PRPF39: variants seen among roughly 807,000 people sequenced by gnomAD.
PRPF39 encodes the protein pre-mRNA-processing factor 39.
Under a neutral mutation model 82.1 loss-of-function variants are expected in PRPF39, and 27 were observed. The ratio of observed to expected loss-of-function variants is 0.33; its 90% CI spans 0.24 to 0.45. The LOEUF (loss-of-function observed/expected upper bound fraction) is 0.45, where lower values mean the gene tolerates loss of function less well. Among genes scored for constraint, PRPF39 ranks in the 20% least tolerant of loss-of-function variants. The probability of loss-of-function intolerance (pLI) is 1.00; values close to 1 mark genes in which losing one functional copy is unlikely to be tolerated. For synonymous variants in PRPF39, 261 were observed against 256.4 expected (o/e 1.02, Z -0.17); for missense variants, 581 against 796.9 (o/e 0.73, Z 3.26).
intron 1 of PRPF39, chr14:45,088,275 G>A: frequency 6.0e-6 from 1 of 167,734 alleles, no homozygotes; most frequent in South Asian, 1.4e-4. Context: ...GACAATTTTG[G>A]ATTAATTATG....
intron 1 of PRPF39, among the ~76,000 whole-genome samples, chr14:45,086,752 T>A (rs1452421585): frequency 6.6e-6 from 1 of 152,184 alleles, no homozygotes; most frequent in Non-Finnish European, 1.5e-5. Context: ...CTCACCCAAT[T>A]TAATTTTTTT....
At chr14:45,086,630 G>T (rs1052092807) in intron 1 of PRPF39, among the ~76,000 whole-genome samples, 1 of 152,118 alleles carries the variant, frequency 6.6e-6, no homozygotes, top group Non-Finnish European at 1.5e-5. Flanking sequence ...CTTTTGGAAA[G>T]TTAAGTTGAG....
chr14:45,101,833 G>A (rs2099551612), intron 4 of PRPF39, among the ~76,000 whole-genome samples: 1 of 150,486 alleles, frequency 6.6e-6, no homozygotes, highest in African/African-American at 2.4e-5. Flanking sequence ...TTGAGACAGA[G>A]TCGCGCTCTG....
intron 4 of PRPF39, among the ~76,000 whole-genome samples, chr14:45,098,648 T>C (rs1476925412): frequency 6.6e-6 from 1 of 152,210 alleles, no homozygotes; most frequent in African/African-American, 2.4e-5. Context: ...TAGCTTTCTA[T>C]ACAATCAGAT....
Position 45,110,913 on chromosome 14 carries a change from T to G in PRPF39, c.1572+96T>G. On this transcript the variant is annotated intron_variant, in intron 10 of 13. Coordinates refer to ENST00000355765, the MANE Select transcript of PRPF39 (RefSeq NM_017922.4). The surrounding 1 kb of genome is among the most constrained non-coding windows in gnomAD (Gnocchi z 4.0). ...ACTGTGATGAAAGATTTGGTCTGTA[T>G]GTAATAGATTTTATTACTAAATGAG... The G allele has an allele frequency of 2.5e-6, 3 of 1,194,458 alleles. No individual in the cohort carries two copies. The highest frequency in any genetic ancestry group is 3.4e-6 in the Non-Finnish European group (3 of 870,524). 74.0% of individuals were successfully genotyped at this position (1,194,458 alleles called of 1,614,324 possible). A position where few individuals can be genotyped will look rare whatever the true frequency, so the allele number is the denominator to read the frequency against.
chr14:45,107,497 G>A lies in PRPF39; in HGVS notation c.784G>A (p.Gly262Ser). 6.4e-7 allele frequency: 1 copy of A among 1,565,822 alleles called. No individual in the cohort carries two copies. Among genetic ancestry groups the A allele is most frequent in the Non-Finnish European group, 8.7e-7 (1 of 1,151,682 alleles). ...QNNLPRDLLT[G>S]EQFIQLRREL... ...TAATTTGCCTAGAGATCTTTTAACT[G>A]GTGAACAGTTTATTCAGTTGCGAAG... Residue 262 changes from glycine to serine, a missense_variant, in exon 6 of 14, where the codon GGT (glycine) becomes AGT (serine). Gly to Ser is a moderately conservative substitution (Grantham distance 56, BLOSUM62 0). Transcript: ENST00000355765.
At chr14:45,113,277 G>A (rs914046076) in intron 11 of PRPF39, among the ~76,000 whole-genome samples, 1 of 152,204 alleles carries the variant, frequency 6.6e-6, no homozygotes, top group Non-Finnish European at 1.5e-5. Flanking sequence ...GTTTATATTA[G>A]TGTATTTTAA....
chr14:45,105,769 G>A (rs547792241), intron 5 of PRPF39, among the ~76,000 whole-genome samples: 7 of 151,822 alleles, frequency 4.6e-5, no homozygotes, highest in Admixed American at 2.0e-4. Context: ...CAGGTGATCC[G>A]CCCACCTCAG....
rs1180131196 is a variant in PRPF39, at chr14:45,107,435, T to A, written c.738-16T>A. On this transcript the variant is annotated splice_polypyrimidine_tract_variant and intron_variant, in intron 5 of 13. Transcript: ENST00000355765. ...ATTATGATTCAAATACATATATTTT[T>A]ATTGTCTTCCTTTAGATTTAAAGAA... The A allele has an allele frequency of 6.8e-7, 1 of 1,474,532 alleles. No homozygotes were observed. The highest frequency in any genetic ancestry group is 1.4e-5 in the African/African-American group (1 of 70,942). The allele number at this position is 1,474,532 out of a possible 1,614,324, so 91.3% of individuals were successfully genotyped here.
chr14:45,094,057 T>C (rs1377158903), intron 1 of PRPF39, among the ~76,000 whole-genome samples: 1 of 152,196 alleles, frequency 6.6e-6, no homozygotes, highest in Non-Finnish European at 1.5e-5. Flanking sequence ...GTCATTTGCA[T>C]TTCTTCCTTT....
intron 4 of PRPF39, among the ~76,000 whole-genome samples, chr14:45,098,659 C>T (rs1884277908): frequency 6.6e-6 from 1 of 152,126 alleles, no homozygotes; most frequent in South Asian, 2.1e-4. Flanking sequence ...ACAATCAGAT[C>T]TGTTAAAAAA....
At chr14:45,108,377 G>A in intron 6 of PRPF39, 38 bp from the exon 7 acceptor site, 1 of 1,547,018 alleles carries the variant, frequency 6.5e-7, no homozygotes, top group Non-Finnish European at 8.7e-7. Context: ...TCAGTATACA[G>A]TTTGTGAGAT....
chr14:45,090,294 T>G (rs138210862), intron 1 of PRPF39, among the ~76,000 whole-genome samples: 2 of 152,364 alleles, frequency 1.3e-5, no homozygotes, highest in African/African-American at 4.8e-5. Context: ...ATGACATTAA[T>G]CATACATTGA....
At chr14:45,104,609 T>C (rs1457643296) in intron 5 of PRPF39, among the ~76,000 whole-genome samples, 4 of 152,216 alleles carry the variant, frequency 2.6e-5, no homozygotes, top group East Asian at 1.9e-4. Context: ...AAAAAAGATA[T>C]TCTAAGTGGT....
chr14:45,084,846 A>T (rs770289518), intron 1 of PRPF39, among the ~76,000 whole-genome samples: 2 of 152,216 alleles, frequency 1.3e-5, no homozygotes, highest in Non-Finnish European at 2.9e-5. Context: ...ATCAGAGACC[A>T]CCACTGGTGT....
At chr14:45,095,888 G>T (rs909653099) in intron 2 of PRPF39, among the ~76,000 whole-genome samples, 5 of 130,358 alleles carry the variant, frequency 3.8e-5, no homozygotes, top group Admixed American at 2.9e-4. Flanking sequence ...TGCCTGTGTA[G>T]GTTTTTTTTT....
chr14:45,109,518 CA>C (rs1362895871), intron 7 of PRPF39, 97 bp from the exon 8 acceptor site: 2 of 954,000 alleles, frequency 2.1e-6, no homozygotes, highest in African/African-American at 3.4e-5. Flanking sequence ...AAATTTTAAT[CA>C]TCAATTATAT....
rs563466266 is a variant in PRPF39 at position 45,102,676 on chromosome 14, G to A, written c.717G>A (p.Leu239=). 12 of 1,600,934 alleles carry A rather than the reference G, an allele frequency of 7.5e-6. No homozygotes were observed. The highest frequency in any genetic ancestry group is 3.3e-4 in the Middle Eastern group (2 of 6,032). Residue 239 remains leucine, a synonymous_variant, in exon 5 of 14, where the codon CTG becomes CTA. Coordinates refer to ENST00000355765, the MANE Select transcript of PRPF39 (RefSeq NM_017922.4). ...YDRILGIPTQ[L]YSHHFQRFKE... ...GTATTCTTGGTATTCCAACACAGCT[G>A]TATAGTCATCATTTTCAGAGGTAGG...
rs967470909 is a variant in PRPF39, at chr14:45,107,575, G to A, written c.862G>A (p.Asp288Asn). 6 of 1,552,666 alleles carry A rather than the reference G, an allele frequency of 3.9e-6. No individual in the cohort carries two copies. Among genetic ancestry groups the A allele is most frequent in the Non-Finnish European group, 5.2e-6 (6 of 1,147,282 alleles). The stretch of plus-strand genomic sequence containing the variant: ...TGGTGATGATGGTCCTCCTGGTGAT[G>A]ATCTACCATCGGGAATTGAAGACAT... ...HSGDDGPPGD[D>N]LPSGIEDITD... The change falls in exon 6 of 14, where the codon GAT becomes AAT. Residue 288 changes from aspartate (D) to asparagine (N), a missense_variant. Transcript: ENST00000355765.
Sources: allele counts gnomAD v4.1 joint callset (sites outside exome capture counted in the v4.1 genomes callset), GRCh38; gene constraint gnomAD v4.1.1; non-coding constraint Gnocchi (gnomAD v3.1); transcripts MANE v1.5; gene names NCBI Gene and HGNC (gene_info 2026-07-23, HGNC 2026-07-21).